Variants in DAZAP1 observed in about 807,000 individuals in gnomAD.
DAZAP1 encodes the protein DAZ-associated protein 1.
Under a neutral mutation model 60.1 loss-of-function variants are expected in DAZAP1, and 6 were observed. The observed-to-expected ratio is 0.10, with a 90% confidence interval of 0.05 to 0.20. The LOEUF (loss-of-function observed/expected upper bound fraction) is 0.20, where lower values mean the gene tolerates loss of function less well. Among genes scored for constraint, DAZAP1 ranks in the 10% least tolerant of loss-of-function variants. The pLI, the probability that DAZAP1 is intolerant of heterozygous loss-of-function variation, is 1.00. For missense variants in DAZAP1, 366 were observed against 560.4 expected (o/e 0.65, Z 3.50); for synonymous variants, 235 against 215.9 (o/e 1.09, Z -0.78).
intron 10 of DAZAP1, among the ~76,000 whole-genome samples, chr19:1,431,817 A>G (rs1159283831): frequency 6.6e-6 from 1 of 152,164 alleles, no homozygotes; most frequent in East Asian, 1.9e-4. Context: ...GCACGCAGCC[A>G]GCAGGAACGG....
In DAZAP1 at chr19:1,432,186, C is replaced by G; in HGVS notation, c.872-328C>G. 2.6e-6 allele frequency: 1 copy of G among 387,542 alleles called. No individual in the cohort carries two copies. Among genetic ancestry groups the G allele is most frequent in the Non-Finnish European group, 4.7e-6 (1 of 211,606 alleles). 24.0% of individuals were successfully genotyped at this position (387,542 alleles called of 1,614,324 possible). On this transcript the variant is annotated intron_variant, in intron 10 of 11. Transcript: ENST00000233078. The surrounding 1 kb of genome is among the most constrained non-coding windows in gnomAD (Gnocchi z 4.9). Reference sequence around the variant, plus strand: ...CTGGGCATGGTGGCAGGTTTTTGTCCTTCTGAAAGAGCAATTTTGCTGTGA... The same window carrying G: ...CTGGGCATGGTGGCAGGTTTTTGTCGTTCTGAAAGAGCAATTTTGCTGTGA...
Position 1,423,051 on chromosome 19 carries a change from C to T in DAZAP1, c.463+655C>T, listed in dbSNP as rs534868448. Among the ~76,000 whole-genome samples, 23 of 151,898 alleles carry T rather than the reference C, an allele frequency of 1.5e-4. No individual in the cohort carries two copies. In the East Asian group the frequency reaches 4.4e-3, roughly 29 times the overall value. Reference sequence around the variant, plus strand: ...GCTGCTGCTGTCTGTCCCGCCCGCCCGCATGGTTTTGGTTCATCAGCTGCT... The same window carrying T: ...GCTGCTGCTGTCTGTCCCGCCCGCCTGCATGGTTTTGGTTCATCAGCTGCT... On this transcript the variant is annotated intron_variant, in intron 6 of 11. Transcript: ENST00000233078. The surrounding 1 kb of genome is among the most constrained non-coding windows in gnomAD (Gnocchi z 6.8).
At chr19:1,409,346 C>G (rs1171812014) in intron 1 of DAZAP1, among the ~76,000 whole-genome samples, 3 of 152,194 alleles carry the variant, frequency 2.0e-5, no homozygotes, top group African/African-American at 4.8e-5. Flanking sequence ...CCGCTCCACC[C>G]AAGCCGTGGC....
chr19:1,420,793 G>C (rs1240142985), intron 4 of DAZAP1, among the ~76,000 whole-genome samples: 2 of 152,346 alleles, frequency 1.3e-5, no homozygotes, highest in African/African-American at 2.4e-5. Context: ...CGTCGCTGCT[G>C]CCTTTCCCCT....
intron 8 of DAZAP1, among the ~76,000 whole-genome samples, chr19:1,429,303 C>T (rs752331449): frequency 1.3e-5 from 2 of 152,216 alleles, no homozygotes; most frequent in African/African-American, 2.4e-5. Context: ...GGTCTGAGCA[C>T]GAAACCCTGA....
rs768360132 is a variant in DAZAP1 at position 1,428,874 on chromosome 19, C to G, written c.579C>G (p.Ser193Arg). ...VEVKRAEPRDSKSQAPGQPGA... is the reference protein window; with the variant it reads ...VEVKRAEPRDRKSQAPGQPGA... ...TTAAACGAGCTGAGCCTCGGGACAG[C>G]AAGAGCCAAGCGCCGGGACAGCCAG... Residue 193 changes from serine to arginine, a missense_variant, in exon 8 of 12, where the codon AGC becomes AGG. Ser to Arg is a moderately radical substitution (Grantham distance 110, BLOSUM62 -1). Around this residue, in one of 3 missense-constraint regions of DAZAP1, gnomAD observed 240 missense variants for 308.8 expected, o/e 0.78. Coordinates refer to ENST00000233078, the MANE Select transcript of DAZAP1 (RefSeq NM_018959.4). This position sits in a 1 kb window ranked among gnomAD's most constrained non-coding sequence, Gnocchi z 4.0. The G allele has an allele frequency of 6.2e-7, 1 of 1,613,090 alleles. No homozygotes were observed. Among genetic ancestry groups the G allele is most frequent in the Non-Finnish European group, 8.5e-7 (1 of 1,179,908 alleles).
At position 1,418,399 on chromosome 19, in the gene DAZAP1, GCTCT is replaced by G. The variant is rs763542524; in HGVS notation, c.237+32_237+35del. 3.5e-5 allele frequency: 56 copies of G among 1,605,596 alleles called. No individual in the cohort carries two copies. Among genetic ancestry groups the G allele is most frequent in the Non-Finnish European group, 4.6e-5 (54 of 1,174,216 alleles). On this transcript the variant is annotated intron_variant, in intron 3 of 11. Coordinates refer to ENST00000233078, the MANE Select transcript of DAZAP1 (RefSeq NM_018959.4). The surrounding 1 kb of genome is among the most constrained non-coding windows in gnomAD (Gnocchi z 5.7). ...AGTGCCCTTCCGGGAGCTCACACCC[GCTCT>G]CTGTCTCCCCTGTCCTTCCTCTGCT...
At chr19:1,415,291 G>A (rs1241311766) in intron 1 of DAZAP1, among the ~76,000 whole-genome samples, 6 of 151,080 alleles carry the variant, frequency 4.0e-5, no homozygotes, top group African/African-American at 1.2e-4. Context: ...GGTGGGTGCA[G>A]TGCTGACTAC....
chr19:1,417,998 A>G (rs1470991122), intron 2 of DAZAP1, among the ~76,000 whole-genome samples: 1 of 152,176 alleles, frequency 6.6e-6, no homozygotes, highest in Non-Finnish European at 1.5e-5. Context: ...TGCTGTGCTC[A>G]CTGGCAGCCC....
At chr19:1,421,861 C>A (rs1024807547) in intron 5 of DAZAP1, among the ~76,000 whole-genome samples, 2 of 152,218 alleles carry the variant, frequency 1.3e-5, no homozygotes, top group East Asian at 3.8e-4. Flanking sequence ...GTGCCACGGG[C>A]CTGGGCCAGG....
rs1409302562 is a variant in DAZAP1 at position 1,421,249 on chromosome 19, G to A, written c.405G>A (p.Lys135=). 1.9e-6 allele frequency: 3 copies of A among 1,614,020 alleles called. No homozygotes were observed. Among genetic ancestry groups the A allele is most frequent in the Non-Finnish European group, 8.5e-7 (1 of 1,179,906 alleles). ...GETELREYFK[K]FGVVTEVVMI... The stretch of plus-strand genomic sequence containing the variant: ...CAGAGCTCAGGGAATACTTCAAGAA[G>A]TTCGGAGTGGTGAGTTTCTCCCCAC... Residue 135 remains lysine (K), a synonymous_variant, in exon 5 of 12, where the codon AAG becomes AAA. Transcript: ENST00000233078.
rs1388192691 is a variant in DAZAP1, at chr19:1,428,275, CATT to C, written c.547-565_547-563del. On this transcript the variant is annotated intron_variant, in intron 7 of 11. Transcript: ENST00000233078. The surrounding 1 kb of genome is among the most constrained non-coding windows in gnomAD (Gnocchi z 4.0). The stretch of plus-strand genomic sequence containing the variant: ...CTCTTATCACATCCATTCCCTCTGA[CATT>C]AGTTTTGAGTTAATTGAGATTCTTT... 1.3e-5 allele frequency: 2 copies of C among 152,336 alleles called. No individual in the cohort carries two copies. The highest frequency in any genetic ancestry group is 2.9e-5 in the Non-Finnish European group (2 of 68,160). 9.4% of individuals were successfully genotyped at this position (152,336 alleles called of 1,614,324 possible). A position where few individuals can be genotyped will look rare whatever the true frequency, so the allele number is the denominator to read the frequency against.
Position 1,428,686 on chromosome 19 carries a change from A to G in DAZAP1, c.547-156A>G. On this transcript the variant is annotated intron_variant, in intron 7 of 11. Coordinates refer to ENST00000233078, the MANE Select transcript of DAZAP1 (RefSeq NM_018959.4). The surrounding 1 kb of genome is among the most constrained non-coding windows in gnomAD (Gnocchi z 4.0). ...TCAACACAAAAGAATTTTTTAAGAA[A>G]AAAATGCTACTGGCCTAAATAAGGT... 1.3e-5 allele frequency: 12 copies of G among 940,152 alleles called. No individual in the cohort carries two copies. Among genetic ancestry groups the G allele is most frequent in the Non-Finnish European group, 1.9e-5 (12 of 642,738 alleles). 58.2% of individuals were successfully genotyped at this position (940,152 alleles called of 1,614,324 possible). A position where few individuals can be genotyped will look rare whatever the true frequency, so the allele number is the denominator to read the frequency against.
intron 1 of DAZAP1, among the ~76,000 whole-genome samples, chr19:1,411,865 T>G (rs532076401): frequency 5.9e-5 from 9 of 152,326 alleles, no homozygotes; most frequent in African/African-American, 2.2e-4. Context: ...CCCGTCAATC[T>G]GAGGTTGTGC....
Position 1,407,619 on chromosome 19 carries a change from AGCCGCCGCCGCCGCCGCCGCCGCCGCC to A in DAZAP1, c.-138_-112del, listed in dbSNP as rs878911770. Reference sequence around the variant, plus strand: ...ACCGTTGGCGCCGAGGGGAGGAGGCAGCCGCCGCCGCCGCCGCCGCCGCCGCCGCCGCCGCCGCCGCCGTTGCGCAGA... The same window carrying A: ...ACCGTTGGCGCCGAGGGGAGGAGGCAGCCGCCGCCGCCGCCGTTGCGCAGA... On this transcript the variant is annotated 5_prime_UTR_variant, in exon 1 of 12. Transcript: ENST00000233078. 1.2e-4 allele frequency: 29 copies of A among 239,782 alleles called. No individual in the cohort carries two copies. Among genetic ancestry groups the A allele is most frequent in the Non-Finnish European group, 1.8e-4 (28 of 155,052 alleles). 14.9% of individuals were successfully genotyped at this position (239,782 alleles called of 1,614,324 possible). A position where few individuals can be genotyped will look rare whatever the true frequency, so the allele number is the denominator to read the frequency against.
Position 1,428,986 on chromosome 19 carries a change from G to A in DAZAP1, c.691G>A (p.Gly231Ser), listed in dbSNP as rs780878926. The change falls in exon 8 of 12, where the codon GGC becomes AGC. Residue 231 changes from glycine (G) to serine (S), a missense_variant. Gly to Ser is a moderately conservative substitution (Grantham distance 56). Transcript: ENST00000233078. The surrounding 1 kb of genome is among the most constrained non-coding windows in gnomAD (Gnocchi z 4.0). ...QPPPTWQQGY[G>S]PQGMWVPAGQ... is the part of the protein sequence containing the mutation. ...CCCGCCCACGTGGCAGCAAGGATATGGCCCGCAAGGTAAGGCTGATGCAGA... is the reference window on the plus strand; with the variant it reads ...CCCGCCCACGTGGCAGCAAGGATATAGCCCGCAAGGTAAGGCTGATGCAGA... 8 of 1,596,454 alleles carry A rather than the reference G, an allele frequency of 5.0e-6. No individual in the cohort carries two copies. The highest frequency in any genetic ancestry group is 6.8e-6 in the Non-Finnish European group (8 of 1,172,482).
chr19:1,428,821 A>G lies in DAZAP1; in HGVS notation c.547-21A>G. The G allele has an allele frequency of 6.2e-7, 1 of 1,612,158 alleles. No individual in the cohort carries two copies. Among genetic ancestry groups the G allele is most frequent in the Non-Finnish European group, 8.5e-7 (1 of 1,179,580 alleles). On this transcript the variant is annotated intron_variant, in intron 7 of 11. Transcript: ENST00000233078. The surrounding 1 kb of genome is among the most constrained non-coding windows in gnomAD (Gnocchi z 4.0). Reference sequence around the variant, plus strand: ...GCTGGGACCCGCAGCCTCGCCCTAAACCAGAGCTCGGTTTGTTTAGGTGGA... The same window carrying G: ...GCTGGGACCCGCAGCCTCGCCCTAAGCCAGAGCTCGGTTTGTTTAGGTGGA...
intron 10 of DAZAP1, among the ~76,000 whole-genome samples, chr19:1,431,270 A>G (rs1339563217): frequency 6.6e-6 from 1 of 151,046 alleles, no homozygotes; most frequent in Admixed American, 6.6e-5. Context: ...CTGGGACTAC[A>G]GGCGCCCACC....
chr19:1,413,989 CTGTGTGTGTGTGTGTG>C (rs3065755), intron 1 of DAZAP1, among the ~76,000 whole-genome samples: 11 of 130,154 alleles, frequency 8.5e-5, no homozygotes, highest in East Asian at 4.5e-4. Context: ...CCCCAGTGAA[CTGTGTGTGTGTGTGTG>C]TGTGTGTGTG....
Sources: gnomAD v4.1 joint callset for allele counts (sites outside exome capture counted in the v4.1 genomes callset) on GRCh38, gnomAD v4.1.1 for gene constraint, gnomAD v4.1.1 regional missense constraint, Gnocchi (gnomAD v3.1) non-coding constraint, MANE v1.5 for transcripts, NCBI Gene and HGNC (gene_info 2026-07-23, HGNC 2026-07-21) for gene names.